PDE1C: variants seen among roughly 807,000 people sequenced by gnomAD.
PDE1C encodes dual specificity calcium/calmodulin-dependent 3',5'-cyclic nucleotide phosphodiesterase 1C.
A neutral mutation model predicts 93.1 loss-of-function variants in PDE1C; 62 were observed. The observed-to-expected ratio is 0.67, with a 90% CI of 0.54 to 0.82. The LOEUF (loss-of-function observed/expected upper bound fraction) is 0.82, where lower values mean the gene tolerates loss of function less well. Among genes scored for constraint, PDE1C ranks in the 40% least tolerant of loss-of-function variants. The pLI, the probability that PDE1C is intolerant of heterozygous loss-of-function variation, is 0.00. For synonymous variants in PDE1C, 325 were observed against 310.1 expected (o/e 1.05, Z -0.50); for missense variants, 742 against 884.6 (o/e 0.84, Z 2.04).
intron 16 of PDE1C, among the ~76,000 whole-genome samples, chr7:31,779,734 C>T (rs1783262549): frequency 6.6e-6 from 1 of 152,190 alleles, no homozygotes; most frequent in African/African-American, 2.4e-5. Flanking sequence ...GTCAGCCTCC[C>T]ACTGGCTTCC....
At chr7:31,758,153 G>C (rs527815848) in intron 17 of PDE1C, among the ~76,000 whole-genome samples, 6 of 152,082 alleles carry the variant, frequency 3.9e-5, no homozygotes, top group Admixed American at 3.3e-4. Context: ...GTCATGGGGT[G>C]GGGGGAGGCA....
chr7:32,186,859 C>G (rs1184684445), intron 2 of PDE1C, among the ~76,000 whole-genome samples: 1 of 152,128 alleles, frequency 6.6e-6, no homozygotes, highest in East Asian at 1.9e-4. Context: ...AAGATCTATC[C>G]TATGGCTGGA....
At chr7:32,389,157 CGTGTGT>C (rs575896243) in intron 1 of PDE1C, among the ~76,000 whole-genome samples, 99 of 135,780 alleles carry the variant, frequency 7.3e-4, no homozygotes, top group Middle Eastern at 3.6e-3. Context: ...TGATAGCTGA[CGTGTGT>C]GTGTGTGTGT....
the PDE1C span, among the ~76,000 whole-genome samples, chr7:31,731,015 A>T: frequency 1.3e-5 from 2 of 152,028 alleles, no homozygotes; most frequent in Non-Finnish European, 2.9e-5. Flanking sequence ...AAATTTACAG[A>T]TAGGCAAATC....
the PDE1C span, among the ~76,000 whole-genome samples, chr7:31,661,028 C>T: frequency 2.0e-5 from 3 of 152,046 alleles, no homozygotes; most frequent in East Asian, 1.9e-4. Flanking sequence ...GCAAGGGAAT[C>T]GGATTTGTTG....
chr7:32,334,643 T>A (rs1472423130), intron 1 of PDE1C, among the ~76,000 whole-genome samples: 1 of 127,506 alleles, frequency 7.8e-6, no homozygotes, highest in African/African-American at 3.0e-5. Context: ...ATTTAAAATA[T>A]AACCATAAAA....
chr7:31,975,680 G>A (rs541081765), intron 2 of PDE1C, among the ~76,000 whole-genome samples: 5 of 152,168 alleles, frequency 3.3e-5, no homozygotes, highest in Non-Finnish European at 5.9e-5. Context: ...TATACAAGTC[G>A]CCCCAACAGT....
At chr7:31,954,561 C>G (rs945411985) in intron 2 of PDE1C, among the ~76,000 whole-genome samples, 1 of 152,156 alleles carries the variant, frequency 6.6e-6, no homozygotes. Flanking sequence ...AATTAATTAT[C>G]TGATCTATTC....
At chr7:32,386,569 T>C (rs556072161) in intron 1 of PDE1C, among the ~76,000 whole-genome samples, 1,226 of 120,508 alleles carry the variant, frequency 0.01, 14 homozygotes, top group Non-Finnish European at 0.017. Flanking sequence ...GTTGCTTTGG[T>C]CAACATTCTT....
chr7:31,703,212 T>C, the PDE1C span, among the ~76,000 whole-genome samples: 1 of 152,210 alleles, frequency 6.6e-6, no homozygotes, highest in Non-Finnish European at 1.5e-5. Context: ...CTCTGTTCAA[T>C]CTTATATTCT....
chr7:32,204,157 A>G (rs1263599179), intron 2 of PDE1C, among the ~76,000 whole-genome samples: 1 of 152,164 alleles, frequency 6.6e-6, no homozygotes, highest in African/African-American at 2.4e-5. Context: ...TAGCATCTAC[A>G]CATGGATCCA....
At chr7:31,918,950 T>C (rs1484807727) in intron 2 of PDE1C, among the ~76,000 whole-genome samples, 3 of 152,214 alleles carry the variant, frequency 2.0e-5, no homozygotes, top group Admixed American at 2.0e-4. Flanking sequence ...CTGAATGGCA[T>C]TGCTTTTCTT....
At chr7:32,427,445 G>A (rs1272923306) in intron 1 of PDE1C, among the ~76,000 whole-genome samples, 1 of 152,160 alleles carries the variant, frequency 6.6e-6, no homozygotes, top group East Asian at 1.9e-4. Context: ...TGTGTAACTA[G>A]GTCTGGACAA....
chr7:31,894,173 A>G (rs909202394), intron 2 of PDE1C, among the ~76,000 whole-genome samples: 4 of 152,218 alleles, frequency 2.6e-5, no homozygotes, highest in Non-Finnish European at 2.9e-5. Context: ...TGACTCTCTC[A>G]AAGTGTACGT....
At chr7:32,130,740 A>G (rs1212086081) in intron 3 of PDE1C, among the ~76,000 whole-genome samples, 1 of 152,052 alleles carries the variant, frequency 6.6e-6, no homozygotes, top group Non-Finnish European at 1.5e-5. Context: ...GCAGGAGATA[A>G]TGAAGAATTT....
At chr7:32,052,056 C>T (rs960118057) in intron 1 of PDE1C, among the ~76,000 whole-genome samples, 1 of 151,988 alleles carries the variant, frequency 6.6e-6, no homozygotes, top group African/African-American at 2.4e-5. Flanking sequence ...TACTATTATC[C>T]CCAACATCTA....
intron 2 of PDE1C, among the ~76,000 whole-genome samples, chr7:32,171,502 TATTATTAAAATTAA>T (rs908872908): frequency 3.4e-5 from 5 of 149,216 alleles, no homozygotes; most frequent in African/African-American, 9.7e-5. Flanking sequence ...TTTTACTTAT[TATTATTAAAATTAA>T]ATTATTAAAA....
chr7:32,323,185 T>C (rs1783333174), intron 1 of PDE1C, among the ~76,000 whole-genome samples: 1 of 152,202 alleles, frequency 6.6e-6, no homozygotes, highest in Non-Finnish European at 1.5e-5. Context: ...TTCCTGGGTT[T>C]ACAAAGAATG....
chr7:32,423,886 GATC>G (rs1785481147), intron 1 of PDE1C, among the ~76,000 whole-genome samples: 1 of 151,978 alleles, frequency 6.6e-6, no homozygotes, highest in Non-Finnish European at 1.5e-5. Flanking sequence ...TTAATACACA[GATC>G]ATTAACCAAA....
Sources: gnomAD v4.1 joint callset for allele counts (sites outside exome capture counted in the v4.1 genomes callset) on GRCh38, gnomAD v4.1.1 for gene constraint, MANE v1.5 for transcripts, NCBI Gene and HGNC (gene_info 2026-07-23, HGNC 2026-07-21) for gene names.